PDE4D: variants seen among roughly 807,000 people sequenced by gnomAD.
The protein encoded by PDE4D is 3',5'-cyclic-AMP phosphodiesterase 4D.
In PDE4D, 24 loss-of-function variants were observed where a neutral mutation model predicts 87.4. That is an observed-to-expected ratio of 0.27 (90% CI 0.20 to 0.39). The LOEUF (loss-of-function observed/expected upper bound fraction) is 0.39. PDE4D is among the 10% of genes least tolerant of loss of function. The pLI is 1.00. For missense variants in PDE4D, 714 were observed against 1,041.0 expected (o/e 0.69, Z 4.32); for synonymous variants, 384 against 383.2 (o/e 1.00, Z -0.02).
At chr5:59,872,444 T>A (rs1747967547) in intron 1 of PDE4D, among the ~76,000 whole-genome samples, 1 of 152,228 alleles carries the variant, frequency 6.6e-6, no homozygotes, top group African/African-American at 2.4e-5. Flanking sequence ...TATAGTCAAA[T>A]CATTTTTTCC....
chr5:59,195,343 C>G (rs947188808), intron 2 of PDE4D, among the ~76,000 whole-genome samples: 5 of 152,138 alleles, frequency 3.3e-5, no homozygotes, highest in Non-Finnish European at 7.4e-5. Flanking sequence ...TAGGAGCAGG[C>G]CTGGTGCACT....
intron 1 of PDE4D, among the ~76,000 whole-genome samples, chr5:59,366,732 C>A (rs1245871360): frequency 1.3e-5 from 2 of 151,972 alleles, no homozygotes; most frequent in African/African-American, 2.4e-5. Context: ...AAATGTTAGG[C>A]CTTGTTTGTC....
At chr5:60,051,863 C>G (rs946845018) in intron 2 of PDE4D, among the ~76,000 whole-genome samples, 1 of 152,002 alleles carries the variant, frequency 6.6e-6, no homozygotes, top group East Asian at 1.9e-4. Context: ...GGGGATATCA[C>G]CACTGATCCC....
intron 1 of PDE4D, among the ~76,000 whole-genome samples, chr5:59,615,527 A>C (rs1037192118): frequency 6.6e-5 from 10 of 152,082 alleles, no homozygotes; most frequent in Admixed American, 1.3e-4. Context: ...TGTTTTGCTG[A>C]CTCCTCAATA....
At chr5:59,524,937 G>A (rs1220393469) in intron 1 of PDE4D, among the ~76,000 whole-genome samples, 1 of 152,238 alleles carries the variant, frequency 6.6e-6, no homozygotes, top group Non-Finnish European at 1.5e-5. Context: ...AGATTTCAGA[G>A]GATGTATGGA....
At chr5:59,828,223 A>G (rs1770554238) in intron 1 of PDE4D, among the ~76,000 whole-genome samples, 1 of 152,100 alleles carries the variant, frequency 6.6e-6, no homozygotes, top group Non-Finnish European at 1.5e-5. Flanking sequence ...ATCTAGAAAT[A>G]GAGCAAAATG....
chr5:59,711,295 T>G (rs1418021681), intron 1 of PDE4D, among the ~76,000 whole-genome samples: 1 of 152,134 alleles, frequency 6.6e-6, no homozygotes. Flanking sequence ...GTTCTCATAA[T>G]TGCCCTTAGT....
intron 1 of PDE4D, among the ~76,000 whole-genome samples, chr5:60,420,082 G>A (rs1047534541): frequency 1.9e-4 from 29 of 152,284 alleles, no homozygotes; most frequent in African/African-American, 7.0e-4. Context: ...GAGAGAAAAT[G>A]TTATCAGGTT....
intron 2 of PDE4D, among the ~76,000 whole-genome samples, chr5:60,146,414 C>A (rs1466056955): frequency 6.6e-6 from 1 of 152,160 alleles, no homozygotes; most frequent in Non-Finnish European, 1.5e-5. Context: ...AATTTAGTGT[C>A]CAAGATCAGA....
At chr5:59,031,390 TATTA>T (rs200458943) in intron 6 of PDE4D, among the ~76,000 whole-genome samples, 7 of 45,216 alleles carry the variant, frequency 1.5e-4, no homozygotes, top group African/African-American at 8.8e-4. Flanking sequence ...TATATATATA[TATTA>T]TATATATATA....
chr5:59,991,105 G>A (rs1266816258), intron 2 of PDE4D, among the ~76,000 whole-genome samples: 1 of 152,106 alleles, frequency 6.6e-6, no homozygotes, highest in Non-Finnish European at 1.5e-5. Flanking sequence ...ACAGAACTGA[G>A]ATGAGAGCAG....
intron 1 of PDE4D, among the ~76,000 whole-genome samples, chr5:59,612,180 ATGAC>A (rs1440176817): frequency 1.3e-5 from 2 of 152,112 alleles, no homozygotes; most frequent in African/African-American, 4.8e-5. Context: ...AAGTTCACTA[ATGAC>A]CTAAAAACAA....
chr5:60,490,579 T>C (rs1441213814), upstream of PDE4D: 4 of 152,218 alleles, frequency 2.6e-5, no homozygotes, highest in African/African-American at 9.6e-5. Flanking sequence ...ATTAGCAGGT[T>C]CTGGCTAGAG....
At chr5:60,178,356 T>C (rs1349303730) in intron 2 of PDE4D, among the ~76,000 whole-genome samples, 1 of 152,172 alleles carries the variant, frequency 6.6e-6, no homozygotes, top group Non-Finnish European at 1.5e-5. Flanking sequence ...GGATATGGTC[T>C]TCTTTGACTA....
At chr5:60,212,598 G>A (rs1743363368) in intron 1 of PDE4D, among the ~76,000 whole-genome samples, 1 of 152,156 alleles carries the variant, frequency 6.6e-6, no homozygotes, top group South Asian at 2.1e-4. Context: ...GAAAAAGCCT[G>A]CCTAACAATG....
chr5:59,160,622 G>T (rs1780920662), intron 5 of PDE4D, among the ~76,000 whole-genome samples: 1 of 152,094 alleles, frequency 6.6e-6, no homozygotes, highest in Non-Finnish European at 1.5e-5. Flanking sequence ...GGGATTACAG[G>T]TGTGAGGCAC....
At chr5:59,384,383 C>T (rs1362460893) in intron 1 of PDE4D, among the ~76,000 whole-genome samples, 6 of 152,098 alleles carry the variant, frequency 3.9e-5, no homozygotes, top group African/African-American at 1.4e-4. Flanking sequence ...AGCGTTGATT[C>T]GCTGGTGTGA....
intron 1 of PDE4D, among the ~76,000 whole-genome samples, chr5:59,411,287 G>T (rs955820922): frequency 2.0e-5 from 3 of 152,012 alleles, no homozygotes; most frequent in Admixed American, 1.3e-4. Flanking sequence ...TTCCTAAATT[G>T]GTCCTCTCAC....
At chr5:59,770,782 A>T (rs895193735) in intron 1 of PDE4D, among the ~76,000 whole-genome samples, 3 of 152,176 alleles carry the variant, frequency 2.0e-5, no homozygotes, top group Admixed American at 6.5e-5. Context: ...CATTCAACAA[A>T]CATTTATGGG....
Sources: allele counts gnomAD v4.1 joint callset (sites outside exome capture counted in the v4.1 genomes callset), GRCh38; gene constraint gnomAD v4.1.1; transcripts MANE v1.5; gene names NCBI Gene and HGNC (gene_info 2026-07-23, HGNC 2026-07-21).